The following ZNF534 variants were observed in gnomAD, a reference collection of about 807,000 sequenced individuals.
The protein encoded by ZNF534 is KRAB domain only 3.
Under a neutral mutation model 13.6 loss-of-function variants are expected in ZNF534, and 19 were observed. The ratio of observed to expected loss-of-function variants is 1.40; its 90% CI spans 0.97 to 2.05. ZNF534 has a LOEUF of 2.05. ZNF534 is among the 30% of genes most tolerant of loss of function. ZNF534 has a pLI of 0.00. For synonymous variants in ZNF534, 244 were observed against 273.8 expected (o/e 0.89, Z 1.07); for missense variants, 782 against 796.3 (o/e 0.98, Z 0.22).
Position 52,434,090 on chromosome 19 carries a change from A to G in ZNF534, c.142+9A>G, listed in dbSNP as rs2059111942. 8 of 1,612,658 alleles carry G rather than the reference A, an allele frequency of 5.0e-6. No individual in the cohort carries two copies. Among genetic ancestry groups the G allele is most frequent in the Middle Eastern group, 1.7e-4 (1 of 6,054 alleles). On this transcript the variant is annotated intron_variant, in intron 3 of 4. Transcript: ENST00000433050. ...GAACCTGGTCTCCCTAGGTGAGGAT[A>G]ATGTCCGTCCAGAAGCCTGCATCTG...
At chr19:52,434,549 G>A (rs1339444452) in intron 3 of ZNF534, among the ~76,000 whole-genome samples, 1 of 149,934 alleles carries the variant, frequency 6.7e-6, no homozygotes, top group East Asian at 2.0e-4. Flanking sequence ...TGACCAACCT[G>A]GTGAAACCCC....
Position 52,439,069 on chromosome 19 carries a change from C to T in ZNF534, c.1609C>T (p.Leu537Phe), listed in dbSNP as rs1217311496. 1 of 1,594,214 alleles carries T rather than the reference C, an allele frequency of 6.3e-7. No individual in the cohort carries two copies. The highest frequency in any genetic ancestry group is 1.3e-5 in the African/African-American group (1 of 74,164). Reference sequence around the variant, plus strand: ...CAAGGTCTTCCGTCGGAATTCACACCTTGTGCGACATAGGAATGTTCATAC... The same window carrying T: ...CAAGGTCTTCCGTCGGAATTCACACTTTGTGCGACATAGGAATGTTCATAC... Reference protein sequence around the residue: ...CGKVFRRNSHLVRHRNVHTGE... With the variant: ...CGKVFRRNSHFVRHRNVHTGE... The change falls in exon 5 of 5, where the codon CTT becomes TTT. Residue 537 changes from leucine to phenylalanine, a missense_variant. Physicochemically the swap from Leu to Phe is conservative, Grantham distance 22. Coordinates refer to ENST00000433050, the MANE Select transcript of ZNF534 (RefSeq NM_001143938.3).
At chr19:52,450,670 G>GTTTTTTTTTTTTTGT (rs2059210077) in intron 4 of ZNF534, among the ~76,000 whole-genome samples, 1 of 37,768 alleles carries the variant, frequency 2.6e-5, no homozygotes, top group African/African-American at 8.4e-5. Context: ...AATTTTAGGA[G>GTTTTTTTTTTTTTGT]TTTTTTTTTT....
At position 52,431,927 on chromosome 19, in the gene ZNF534, A is replaced by G. The variant is rs544128027; in HGVS notation, c.15+438A>G. 2.2e-4 allele frequency among the ~76,000 whole-genome samples: 34 copies of G among 151,470 alleles called. 1 individual carries two copies. In the South Asian group the frequency reaches 7.1e-3, roughly 32 times the overall value. On this transcript the variant is annotated intron_variant, in intron 2 of 4. Coordinates refer to ENST00000433050, the MANE Select transcript of ZNF534 (RefSeq NM_001143938.3). ...GGAGTGTGGTTTTGTGATCTCGGCC[A>G]TATAAATGTATATGTGTACTAGTGT...
At position 52,439,240 on chromosome 19, in the gene ZNF534, G is replaced by A. The variant is rs369239971; in HGVS notation, c.1780G>A (p.Ala594Thr). 105 of 1,525,010 alleles carry A rather than the reference G, an allele frequency of 6.9e-5. 5 individuals carry two copies. The Admixed American group carries it at 1.2e-3, about 18-fold the overall frequency. 94.5% of individuals were successfully genotyped at this position (1,525,010 alleles called of 1,614,324 possible). Residue 594 changes from alanine to threonine, a missense_variant, in exon 5 of 5, where the codon GCG becomes ACG. Transcript: ENST00000433050. Reference protein sequence around the residue: ...GKVFSRNSHLARHRKIHTGEK... With the variant: ...GKVFSRNSHLTRHRKIHTGEK... Reference sequence around the variant, plus strand: ...GGTCTTCAGTCGGAATTCACACCTTGCGCGACATAGGAAAATTCATACTGG... The same window carrying A: ...GGTCTTCAGTCGGAATTCACACCTTACGCGACATAGGAAAATTCATACTGG...
At chr19:52,442,633 G>A (rs557293698), downstream of ZNF534, among the ~76,000 whole-genome samples, 1 of 152,286 alleles carries the variant, frequency 6.6e-6, no homozygotes, top group South Asian at 2.1e-4. Context: ...TCAGCAGAAA[G>A]CTACTTTCCT....
chr19:52,435,067 C>T lies in ZNF534; in HGVS notation c.143-14C>T, dbSNP rs756200329. On this transcript the variant is annotated splice_polypyrimidine_tract_variant and intron_variant, in intron 3 of 4. Transcript: ENST00000433050. ...ATGCCACAGCACACATTTATTCTTTCTTTTTGTAAGTAGGAATCTGTCTTC... is the reference window on the plus strand; with the variant it reads ...ATGCCACAGCACACATTTATTCTTTTTTTTTGTAAGTAGGAATCTGTCTTC... 22 of 1,609,476 alleles carry T rather than the reference C, an allele frequency of 1.4e-5. No individual in the cohort carries two copies. The highest frequency in any genetic ancestry group is 1.8e-5 in the Non-Finnish European group (21 of 1,177,834).
rs760656916 is a variant in ZNF534, at chr19:52,431,473, G to A, written c.-2G>A. 6.2e-7 allele frequency: 1 copy of A among 1,614,060 alleles called. No homozygotes were observed. The highest frequency in any genetic ancestry group is 1.1e-5 in the South Asian group (1 of 91,070). On this transcript the variant is annotated 5_prime_UTR_variant, in exon 2 of 5. Coordinates refer to ENST00000433050, the MANE Select transcript of ZNF534 (RefSeq NM_001143938.3). ...CGGAAGAGGAAAGAAAGGAAGTCAG[G>A]AATGGCCCTTACTCAGGTAAGGTAA...
intron 1 of ZNF534, among the ~76,000 whole-genome samples, chr19:52,430,008 T>C (rs1490609509): frequency 6.6e-6 from 1 of 151,862 alleles, no homozygotes; most frequent in African/African-American, 2.4e-5. Context: ...TGATTGATGC[T>C]GACAATTTTT....
Position 52,433,751 on chromosome 19 carries a change from T to C in ZNF534, c.16-204T>C, listed in dbSNP as rs959676361. 11 of 650,226 alleles carry C rather than the reference T, an allele frequency of 1.7e-5. No homozygotes were observed. The Admixed American group carries it at 2.1e-4, about 12-fold the overall frequency. The allele number at this position is 650,226 out of a possible 1,614,324, so 40.3% of individuals were successfully genotyped here. ...ATTATCCACAAAATGAGACATCTACTCTGATTTAAAGAATGTCATCACTCC... is the reference window on the plus strand; with the variant it reads ...ATTATCCACAAAATGAGACATCTACCCTGATTTAAAGAATGTCATCACTCC... On this transcript the variant is annotated intron_variant, in intron 2 of 4. Transcript: ENST00000433050.
intron 4 of ZNF534, among the ~76,000 whole-genome samples, chr19:52,449,717 A>G (rs1265802572): frequency 6.6e-6 from 1 of 152,082 alleles, no homozygotes; most frequent in Non-Finnish European, 1.5e-5. Flanking sequence ...CCATTTTTTA[A>G]TTGGCTTTAA....
At chr19:52,450,434 CA>C (rs1449794427) in intron 4 of ZNF534, among the ~76,000 whole-genome samples, 1 of 151,970 alleles carries the variant, frequency 6.6e-6, no homozygotes, top group African/African-American at 2.4e-5. Flanking sequence ...TCTTTTTTCC[CA>C]ATGTATATTC....
rs71180462 is a variant in ZNF534 at position 52,439,764 on chromosome 19, GAAAA to G, written c.*327_*330del. On this transcript the variant is annotated 3_prime_UTR_variant, in exon 5 of 5. Transcript: ENST00000433050. Reference sequence around the variant, plus strand: ...AGAGTGAAACTCCATCTCAAAAAAAGAAAAAAAAAAAATGAGTGAAGCTGCCAAG... The same window carrying G: ...AGAGTGAAACTCCATCTCAAAAAAAGAAAAAAAATGAGTGAAGCTGCCAAG... Among the ~76,000 whole-genome samples the G allele has an allele frequency of 1.3e-5, 2 of 149,310 alleles. 1 individual carries two copies. Among genetic ancestry groups the G allele is most frequent in the South Asian group, 4.2e-4 (2 of 4,768 alleles).
At position 52,439,091 on chromosome 19, in the gene ZNF534, A is replaced by C. The variant is rs766918169; in HGVS notation, c.1631A>C (p.His544Pro). The change falls in exon 5 of 5, where the codon CAT (histidine) becomes CCT (proline). Residue 544 changes from histidine to proline, a missense_variant. His to Pro is a moderately conservative substitution (Grantham distance 77, BLOSUM62 -2). Coordinates refer to ENST00000433050, the MANE Select transcript of ZNF534 (RefSeq NM_001143938.3). ...NSHLVRHRNV[H>P]TGEKPYSCNE... The stretch of plus-strand genomic sequence containing the variant: ...CACCTTGTGCGACATAGGAATGTTC[A>C]TACTGGAGAAAAGCCTTACAGTTGT... 1.3e-6 allele frequency: 2 copies of C among 1,594,196 alleles called. No homozygotes were observed. Among genetic ancestry groups the C allele is most frequent in the East Asian group, 4.6e-5 (2 of 43,398 alleles).
At chr19:52,434,748 AAG>A in intron 3 of ZNF534, among the ~76,000 whole-genome samples, 1 of 151,578 alleles carries the variant, frequency 6.6e-6, no homozygotes, top group Non-Finnish European at 1.5e-5. Flanking sequence ...AAAAAAAAGA[AAG>A]AAATGTCCCC....
At chr19:52,446,037 A>C (rs1333257843), downstream of ZNF534, among the ~76,000 whole-genome samples, 1 of 152,198 alleles carries the variant, frequency 6.6e-6, no homozygotes, top group African/African-American at 2.4e-5. Context: ...AATTATGAAA[A>C]AGAAGTGTTC....
In ZNF534 at chr19:52,437,844, T is replaced by A; in HGVS notation, c.384T>A (p.Asn128Lys). The A allele has an allele frequency of 6.2e-7, 1 of 1,613,812 alleles. No individual in the cohort carries two copies. Among genetic ancestry groups the A allele is most frequent in the African/African-American group, 1.3e-5 (1 of 75,068 alleles). ...TEWQPFQAVR[N>K]IYGCKHVEKS... ...GGCAGCCATTTCAAGCTGTAAGGAA[T>A]ATTTATGGATGTAAGCATGTTGAGA... Residue 128 changes from asparagine to lysine, a missense_variant, in exon 5 of 5, where the codon AAT (asparagine) becomes AAA (lysine). Physicochemically the swap from Asn to Lys is moderately conservative, Grantham distance 94. Coordinates refer to ENST00000433050, the MANE Select transcript of ZNF534 (RefSeq NM_001143938.3).
At chr19:52,437,356 T>A (rs1162250317) in intron 4 of ZNF534, among the ~76,000 whole-genome samples, 1 of 152,194 alleles carries the variant, frequency 6.6e-6, no homozygotes, top group Admixed American at 6.5e-5. Context: ...CAGTGGCTCA[T>A]GCCTGTATTC....
downstream of ZNF534, among the ~76,000 whole-genome samples, chr19:52,442,935 A>G (rs1371968612): frequency 6.6e-6 from 1 of 152,220 alleles, no homozygotes; most frequent in Non-Finnish European, 1.5e-5. Flanking sequence ...TCTTTTCTTG[A>G]CAAGGATGCA....
Sources: allele counts gnomAD v4.1 joint callset (sites outside exome capture counted in the v4.1 genomes callset), GRCh38; gene constraint gnomAD v4.1.1; transcripts MANE v1.5; gene names NCBI Gene and HGNC (gene_info 2026-07-23, HGNC 2026-07-21).